The following RPS6KC1 variants were observed in gnomAD, a reference collection of about 807,000 sequenced individuals.
RPS6KC1 encodes the protein ribosomal protein S6 kinase C1, also known as inactive ribosomal protein S6 kinase delta-1.
In RPS6KC1, 54 loss-of-function variants were observed where a neutral mutation model predicts 103.8. The observed-to-expected ratio is 0.52, with a 90% CI of 0.42 to 0.65. The LOEUF (loss-of-function observed/expected upper bound fraction) is 0.65. Among genes scored for constraint, RPS6KC1 ranks in the 30% least tolerant of loss-of-function variants. RPS6KC1 has a pLI of 0.00. For missense variants in RPS6KC1, 1,151 were observed against 1,253.8 expected, an observed-to-expected ratio of 0.92 and a Z score of 1.24; for synonymous variants, 439 against 438.7, an observed-to-expected ratio of 1.00 and a Z score of -0.01.
the RPS6KC1 span, among the ~76,000 whole-genome samples, chr1:213,522,653 C>T: frequency 2.6e-5 from 4 of 152,244 alleles, no homozygotes; most frequent in African/African-American, 7.2e-5. Flanking sequence ...CTTGCCACAG[C>T]TTCTAACAAC....
At chr1:213,188,940 G>A (rs74139155) in intron 8 of RPS6KC1, among the ~76,000 whole-genome samples, 2,208 of 152,036 alleles carry the variant, frequency 0.015, 48 homozygotes, top group African/African-American at 0.05. Flanking sequence ...GAGTAAGGTG[G>A]GAGAGTCACT....
intron 14 of RPS6KC1, among the ~76,000 whole-genome samples, chr1:213,270,226 C>A (rs950289721): frequency 2.0e-5 from 3 of 152,132 alleles, no homozygotes; most frequent in Non-Finnish European, 4.4e-5. Flanking sequence ...ATTGAATATG[C>A]ACATGCTAAA....
the RPS6KC1 span, among the ~76,000 whole-genome samples, chr1:213,493,463 C>T: frequency 9.2e-5 from 14 of 152,228 alleles, no homozygotes; most frequent in Non-Finnish European, 1.3e-4. Context: ...AACTAACGGC[C>T]AACGTTTGAA....
chr1:213,488,266 C>T, the RPS6KC1 span, among the ~76,000 whole-genome samples: 328 of 152,332 alleles, frequency 2.2e-3, 1 homozygote, highest in African/African-American at 7.4e-3. Context: ...ATTAACAACA[C>T]AATGTAGCTG....
chr1:213,690,462 G>A, the RPS6KC1 span, among the ~76,000 whole-genome samples: 4 of 152,246 alleles, frequency 2.6e-5, no homozygotes, highest in Admixed American at 2.6e-4. Context: ...CCAGGCATAT[G>A]GCTGCTTGTC....
chr1:213,409,660 T>G, the RPS6KC1 span, among the ~76,000 whole-genome samples: 1 of 152,186 alleles, frequency 6.6e-6, no homozygotes, highest in Non-Finnish European at 1.5e-5. Flanking sequence ...TGACAATACT[T>G]TGTGAATGGG....
At chr1:213,092,446 C>T (rs368576334) in intron 3 of RPS6KC1, among the ~76,000 whole-genome samples, 4 of 151,928 alleles carry the variant, frequency 2.6e-5, no homozygotes, top group East Asian at 1.9e-4. Context: ...CCGAGGCGGG[C>T]GGATCGCAAG....
the RPS6KC1 span, among the ~76,000 whole-genome samples, chr1:213,328,825 G>T: frequency 6.6e-6 from 1 of 152,036 alleles, no homozygotes; most frequent in African/African-American, 2.4e-5. Flanking sequence ...ATGCCAGGGT[G>T]GTCCCTACTA....
chr1:213,452,344 A>AAAAAAAGG, the RPS6KC1 span, among the ~76,000 whole-genome samples: 1 of 151,878 alleles, frequency 6.6e-6, no homozygotes, highest in Non-Finnish European at 1.5e-5. Context: ...GGAAAAAAAA[A>AAAAAAAGG]AAAAAGGAAC....
chr1:213,237,130 T>C (rs1057030444), intron 10 of RPS6KC1, among the ~76,000 whole-genome samples: 1 of 152,084 alleles, frequency 6.6e-6, no homozygotes, highest in African/African-American at 2.4e-5. Flanking sequence ...TTTTCCCCCA[T>C]CTCAAAAGTG....
chr1:213,385,752 T>C, the RPS6KC1 span, among the ~76,000 whole-genome samples: 3 of 152,176 alleles, frequency 2.0e-5, no homozygotes, highest in African/African-American at 7.2e-5. Flanking sequence ...TTGGGGAATT[T>C]TCCTGAGGCC....
chr1:213,619,730 C>A, the RPS6KC1 span, among the ~76,000 whole-genome samples: 22 of 152,324 alleles, frequency 1.4e-4, no homozygotes, highest in African/African-American at 4.8e-4. Context: ...AGATCTGTCC[C>A]AGACCTATTG....
the RPS6KC1 span, among the ~76,000 whole-genome samples, chr1:213,614,651 T>TG: frequency 6.6e-6 from 1 of 152,218 alleles, no homozygotes; most frequent in Non-Finnish European, 1.5e-5. Flanking sequence ...TATGTCCTTG[T>TG]CCTTGTGCCT....
chr1:213,768,198 G>A, the RPS6KC1 span, among the ~76,000 whole-genome samples: 1 of 152,056 alleles, frequency 6.6e-6, no homozygotes, highest in African/African-American at 2.4e-5. Flanking sequence ...ATGATCCAGC[G>A]GGGACTCAGT....
the RPS6KC1 span, among the ~76,000 whole-genome samples, chr1:213,753,801 GT>G: frequency 6.6e-6 from 1 of 152,128 alleles, no homozygotes; most frequent in Non-Finnish European, 1.5e-5. Flanking sequence ...CTAAGCATTC[GT>G]AGGTGCTCCA....
chr1:213,234,843 G>T (rs551799977), intron 10 of RPS6KC1, among the ~76,000 whole-genome samples: 8 of 152,298 alleles, frequency 5.3e-5, no homozygotes, highest in Admixed American at 1.3e-4. Context: ...AATACAGGAG[G>T]CTAGTGAAAA....
chr1:213,203,915 C>T (rs991978036), intron 8 of RPS6KC1, among the ~76,000 whole-genome samples: 10 of 152,114 alleles, frequency 6.6e-5, no homozygotes, highest in Non-Finnish European at 1.0e-4. Context: ...TTTCCCATCC[C>T]GGAAGTATTT....
the RPS6KC1 span, among the ~76,000 whole-genome samples, chr1:213,580,661 A>G: frequency 2.0e-4 from 31 of 152,228 alleles, no homozygotes; most frequent in East Asian, 2.3e-3. Flanking sequence ...CCCAGCCTTC[A>G]GCAATCACCA....
At chr1:213,653,770 G>C in the RPS6KC1 span, among the ~76,000 whole-genome samples, 1 of 152,104 alleles carries the variant, frequency 6.6e-6, no homozygotes, top group African/African-American at 2.4e-5. Context: ...TTAAAATGTG[G>C]GTTTCTTTAT....
Sources: gnomAD v4.1 joint callset for allele counts (sites outside exome capture counted in the v4.1 genomes callset) on GRCh38, gnomAD v4.1.1 for gene constraint, MANE v1.5 for transcripts, NCBI Gene and HGNC (gene_info 2026-07-23, HGNC 2026-07-21) for gene names.